Variants in WIPF1 observed in about 807,000 individuals in gnomAD.
The protein encoded by WIPF1 is WAS/WASL-interacting protein family member 1.
A neutral mutation model predicts 35.4 loss-of-function variants in WIPF1; 13 were observed. The observed-to-expected ratio is 0.37, with a 90% CI of 0.24 to 0.58. The LOEUF (loss-of-function observed/expected upper bound fraction) is 0.58, where lower values mean the gene tolerates loss of function less well. Among genes scored for constraint, WIPF1 ranks in the 20% least tolerant of loss-of-function variants. The probability of loss-of-function intolerance (pLI) is 0.74; values close to 1 mark genes in which losing one functional copy is unlikely to be tolerated. For synonymous variants in WIPF1, 267 were observed against 266.3 expected, an observed-to-expected ratio of 1.00 and a Z score of -0.02; for missense variants, 591 against 667.0, an observed-to-expected ratio of 0.89 and a Z score of 1.25.
chr2:174,612,099 G>A (rs1422082143), intron 1 of WIPF1, among the ~76,000 whole-genome samples: 3 of 152,030 alleles, frequency 2.0e-5, no homozygotes, highest in Non-Finnish European at 4.4e-5. Context: ...GTCTTGCTAT[G>A]TTGCCTAGGC....
Position 174,575,242 on chromosome 2 carries a change from C to T in WIPF1, c.320G>A (p.Gly107Glu), listed in dbSNP as rs773373271. The change falls in exon 4 of 8, where the codon GGA becomes GAA. Residue 107 changes from glycine to glutamate, a missense_variant. By Grantham distance (98) the Gly-to-Glu change is moderately conservative (BLOSUM62 -2). Around this residue, in one of 3 missense-constraint regions of WIPF1, gnomAD observed 471 missense variants for 501.1 expected, o/e 0.94. Transcript: ENST00000679041. ...GGCCGTGGATCTCAGCTTCGGCATT[C>T]CAGCCTGGAACAATCCTCCCAGACC... ...PPGLGGLFQA[G>E]MPKLRSTANR... The T allele has an allele frequency of 6.2e-7, 1 of 1,613,446 alleles. No homozygotes were observed. The highest frequency in any genetic ancestry group is 8.5e-7 in the Non-Finnish European group (1 of 1,179,516).
At chr2:174,613,091 C>A (rs1686401993) in intron 1 of WIPF1, among the ~76,000 whole-genome samples, 1 of 152,208 alleles carries the variant, frequency 6.6e-6, no homozygotes, top group South Asian at 2.1e-4. Flanking sequence ...CATAGCTCTT[C>A]CTGCCTCAAA....
chr2:174,585,065 G>A (rs377199831), intron 2 of WIPF1, among the ~76,000 whole-genome samples: 1 of 152,218 alleles, frequency 6.6e-6, no homozygotes, highest in East Asian at 1.9e-4. Context: ...GAAGAAGAGG[G>A]GAAAAGGCAG....
chr2:174,681,537 CA>C (rs1688244960), intron 1 of WIPF1, among the ~76,000 whole-genome samples: 1 of 152,126 alleles, frequency 6.6e-6, no homozygotes, highest in East Asian at 1.9e-4. Flanking sequence ...AAAAATCTAC[CA>C]ACGACTCAAA....
intron 1 of WIPF1, among the ~76,000 whole-genome samples, chr2:174,606,003 C>G (rs1686152286): frequency 6.6e-6 from 1 of 152,094 alleles, no homozygotes; most frequent in Admixed American, 6.5e-5. Context: ...TTCTTTTGCT[C>G]TTGGAGAAAC....
At chr2:174,629,480 CT>C (rs1427251964) in intron 1 of WIPF1, among the ~76,000 whole-genome samples, 2 of 152,086 alleles carry the variant, frequency 1.3e-5, no homozygotes, top group African/African-American at 4.8e-5. Flanking sequence ...CTGCCCTGAG[CT>C]TTCACAAGGT....
intron 7 of WIPF1, among the ~76,000 whole-genome samples, chr2:174,564,288 A>C (rs953917622): frequency 6.6e-6 from 1 of 152,204 alleles, no homozygotes; most frequent in Non-Finnish European, 1.5e-5. Context: ...ATCTACAAAA[A>C]AATTTTGGTA....
At position 174,562,306 on chromosome 2, in the gene WIPF1, A is replaced by G; in HGVS notation, c.*241T>C. 1 of 1,501,822 alleles carries G rather than the reference A, an allele frequency of 6.7e-7. No homozygotes were observed. The highest frequency in any genetic ancestry group is 1.3e-5 in the South Asian group (1 of 75,618). The allele number at this position is 1,501,822 out of a possible 1,614,324, so 93.0% of individuals were successfully genotyped here. A position where few individuals can be genotyped will look rare whatever the true frequency, so the allele number is the denominator to read the frequency against. ...ATTACGACAAAAGCCTATCGACCCCAGCAGCCAGCACAGGCAGGCTGCAGC... is the reference window on the plus strand; with the variant it reads ...ATTACGACAAAAGCCTATCGACCCCGGCAGCCAGCACAGGCAGGCTGCAGC... On this transcript the variant is annotated 3_prime_UTR_variant, in exon 8 of 8. Coordinates refer to ENST00000679041, the MANE Select transcript of WIPF1 (RefSeq NM_001375834.1).
intron 1 of WIPF1, among the ~76,000 whole-genome samples, chr2:174,651,339 T>A (rs530710696): frequency 9.4e-4 from 143 of 151,690 alleles, no homozygotes; most frequent in African/African-American, 3.0e-3. Context: ...CTATCTTTTT[T>A]AAAAAAAAAC....
intron 1 of WIPF1, among the ~76,000 whole-genome samples, chr2:174,643,015 G>T (rs1687331275): frequency 6.7e-6 from 1 of 149,228 alleles, no homozygotes; most frequent in Non-Finnish European, 1.5e-5. Flanking sequence ...TTTAGTACTG[G>T]TTTTCTTGAC....
intron 1 of WIPF1, among the ~76,000 whole-genome samples, chr2:174,591,673 T>TACACACACACACACACAC (rs71407131): frequency 1.4e-5 from 2 of 146,724 alleles, no homozygotes; most frequent in African/African-American, 2.5e-5. Flanking sequence ...CTTTGTTGCT[T>TACACACACACACACACAC]ACACACACAC....
At chr2:174,568,248 T>C (rs1396773206) in intron 5 of WIPF1, among the ~76,000 whole-genome samples, 175 bp from the exon 6 acceptor site, 1 of 152,158 alleles carries the variant, frequency 6.6e-6, no homozygotes, top group Non-Finnish European at 1.5e-5. Flanking sequence ...AAATTGCACA[T>C]GTGTACACAT....
At chr2:174,591,628 C>A (rs191271811) in intron 1 of WIPF1, among the ~76,000 whole-genome samples, 331 of 151,398 alleles carry the variant, frequency 2.2e-3, no homozygotes, top group African/African-American at 7.7e-3. Flanking sequence ...AAATAATTTG[C>A]ATAAATGACT....
chr2:174,602,364 T>C (rs992371392), upstream of WIPF1, among the ~76,000 whole-genome samples: 1 of 152,258 alleles, frequency 6.6e-6, no homozygotes, highest in Non-Finnish European at 1.5e-5. Context: ...GTGTAAAATA[T>C]GGCAACATAA....
rs1685559962 is a variant in WIPF1, at chr2:174,590,104, A to C, written c.-38-4493T>G. ...AAACAAATTAAAATTAAATTTTTTA[A>C]AAAAAGGAGTCCTTTGGGCTTTACC... On this transcript the variant is annotated intron_variant, in intron 1 of 7. Transcript: ENST00000679041. This position sits in a 1 kb window ranked among gnomAD's most constrained non-coding sequence, Gnocchi z 4.6. Among the ~76,000 whole-genome samples, 1 of 152,180 alleles carries C rather than the reference A, an allele frequency of 6.6e-6. No individual in the cohort carries two copies. The highest frequency in any genetic ancestry group is 2.4e-5 in the African/African-American group (1 of 41,460).
intron 1 of WIPF1, among the ~76,000 whole-genome samples, chr2:174,648,687 C>T (rs1687470682): frequency 6.6e-6 from 1 of 152,084 alleles, no homozygotes; most frequent in South Asian, 2.1e-4. Flanking sequence ...TGAATCTCTC[C>T]CAAAGCAACA....
At chr2:174,670,859 C>T (rs1194095798) in intron 1 of WIPF1, among the ~76,000 whole-genome samples, 1 of 148,730 alleles carries the variant, frequency 6.7e-6, no homozygotes, top group Non-Finnish European at 1.5e-5. Context: ...CACTTACAGT[C>T]ACCTGGTTAG....
intron 1 of WIPF1, among the ~76,000 whole-genome samples, chr2:174,679,030 G>T (rs1688195246): frequency 6.6e-6 from 1 of 152,236 alleles, no homozygotes; most frequent in Admixed American, 6.5e-5. Context: ...ACTGATAAAT[G>T]TAATGCTAAT....
chr2:174,570,330 C>T (rs192531174), intron 5 of WIPF1: 2 of 152,268 alleles, frequency 1.3e-5, no homozygotes, highest in East Asian at 1.9e-4. Flanking sequence ...TGAAAGGACA[C>T]ATTAAAAGAA....
Sources: allele counts gnomAD v4.1 joint callset (sites outside exome capture counted in the v4.1 genomes callset), GRCh38; gene constraint gnomAD v4.1.1; regional missense constraint gnomAD v4.1.1; non-coding constraint Gnocchi (gnomAD v3.1); transcripts MANE v1.5; gene names NCBI Gene and HGNC (gene_info 2026-07-23, HGNC 2026-07-21).